GRK6: variants seen among roughly 807,000 people sequenced by gnomAD.
The protein encoded by GRK6 is G protein-coupled receptor kinase 6.
GRK6 carries 37 observed loss-of-function variants against 80.8 expected under a neutral mutation model. That is an observed-to-expected ratio of 0.46 (90% CI 0.35 to 0.60). The LOEUF (loss-of-function observed/expected upper bound fraction) is 0.60, where lower values mean the gene tolerates loss of function less well. Among genes scored for constraint, GRK6 ranks in the 20% least tolerant of loss-of-function variants. GRK6 has a pLI of 0.00. For synonymous variants in GRK6, 295 were observed against 320.9 expected (o/e 0.92, Z 0.86); for missense variants, 560 against 784.6 (o/e 0.71, Z 3.42).
intron 11 of GRK6, 35 bp downstream of exon 11, chr5:177,435,156 G>A: frequency 1.3e-6 from 2 of 1,512,386 alleles, no homozygotes; most frequent in Non-Finnish European, 1.8e-6. Flanking sequence ...TAGCCTCCTG[G>A]GTTCCCTCAC....
At chr5:177,438,143 G>A (rs534616618) in intron 13 of GRK6, among the ~76,000 whole-genome samples, 31 of 152,298 alleles carry the variant, frequency 2.0e-4, no homozygotes, top group African/African-American at 7.2e-4. Flanking sequence ...TGAGGCAGGC[G>A]GATCACCTGA....
chr5:177,431,601 T>C, intron 2 of GRK6: 1 of 256,900 alleles, frequency 3.9e-6, no homozygotes, highest in Non-Finnish European at 7.7e-6. Context: ...AGCCACAGCT[T>C]CCTCTCGCAC....
Position 177,429,611 on chromosome 5 carries a change from T to G in GRK6, c.53-1261T>G, listed in dbSNP as rs1763804312. On this transcript the variant is annotated intron_variant, in intron 1 of 15. Transcript: ENST00000355472. The surrounding 1 kb of genome is among the most constrained non-coding windows in gnomAD (Gnocchi z 4.3). ...GCAGTACTTCCTTCTCCAGGCAGCT[T>G]AGGTCGGGGAGTCATCTAGGGACCT... 6.6e-6 allele frequency among the ~76,000 whole-genome samples: 1 copy of G among 152,156 alleles called. No homozygotes were observed. Among genetic ancestry groups the G allele is most frequent in the Admixed American group, 6.5e-5 (1 of 15,286 alleles).
intron 15 of GRK6, 112 bp from the exon 16 acceptor site, chr5:177,441,625 T>TC: frequency 2.2e-6 from 2 of 909,316 alleles, no homozygotes; most frequent in Non-Finnish European, 3.7e-6. Context: ...AGTGCACCCC[T>TC]CAGGCAGCTC....
At chr5:177,433,724 C>T (rs919980367) in intron 8 of GRK6, 48 bp downstream of exon 8, 3 of 1,602,316 alleles carry the variant, frequency 1.9e-6, no homozygotes, top group African/African-American at 1.3e-5. Flanking sequence ...CACTGGCGCA[C>T]CGACCGTCCC....
chr5:177,432,006 C>T lies in GRK6; in HGVS notation c.160C>T (p.His54Tyr). The T allele has an allele frequency of 6.2e-7, 1 of 1,613,244 alleles. No homozygotes were observed. Among genetic ancestry groups the T allele is most frequent in the Non-Finnish European group, 8.5e-7 (1 of 1,179,846 alleles). The change falls in exon 3 of 16, where the codon CAC becomes TAC. Residue 54 changes from histidine (H) to tyrosine (Y), a missense_variant. Coordinates refer to ENST00000355472, the MANE Select transcript of GRK6 (RefSeq NM_001004106.3). ...ELRLSLERDY[H>Y]SLCERQPIGR... ...ATCACTGCCAACAGAGCGTGACTAT[C>T]ACAGCCTGTGCGAGCGGCAGCCCAT...
rs1419926716 is a variant in GRK6, at chr5:177,426,917, G to A, written c.52+20G>A. 1 of 1,353,038 alleles carries A rather than the reference G, an allele frequency of 7.4e-7. No individual in the cohort carries two copies. The highest frequency in any genetic ancestry group is 9.5e-7 in the Non-Finnish European group (1 of 1,047,406). 83.8% of individuals were successfully genotyped at this position (1,353,038 alleles called of 1,614,324 possible). On this transcript the variant is annotated intron_variant, in intron 1 of 15. Coordinates refer to ENST00000355472, the MANE Select transcript of GRK6 (RefSeq NM_001004106.3). ...GGGAAGGTGAGGCGGCCGGGTGGGC[G>A]GCCGGGCCCGGGTGCGTGGAGCGCG... is the stretch of plus-strand genomic sequence containing the variant.
intron 13 of GRK6, among the ~76,000 whole-genome samples, chr5:177,439,650 A>C (rs533787533): frequency 6.6e-6 from 1 of 151,948 alleles, no homozygotes; most frequent in African/African-American, 2.4e-5. Context: ...AAAAAAAAAA[A>C]AACCCATACC....
chr5:177,426,386 T>C (rs1021554857), upstream of GRK6: 1 of 152,226 alleles, frequency 6.6e-6, no homozygotes, highest in Non-Finnish European at 1.5e-5. Flanking sequence ...ACCTCCATTG[T>C]CCCGGCTGAG....
chr5:177,438,086 C>T (rs890418111), intron 13 of GRK6, among the ~76,000 whole-genome samples: 9 of 152,080 alleles, frequency 5.9e-5, no homozygotes, highest in African/African-American at 9.7e-5. Flanking sequence ...CTAAAGCAAG[C>T]GGCTGGGTGC....
chr5:177,434,330 C>G (rs1483386739), intron 9 of GRK6, among the ~76,000 whole-genome samples: 1 of 152,196 alleles, frequency 6.6e-6, no homozygotes, highest in African/African-American at 2.4e-5. Context: ...TGTCACCCCT[C>G]CACCCCCCAC....
upstream of GRK6, among the ~76,000 whole-genome samples, chr5:177,426,249 C>T (rs1019620992): frequency 6.6e-6 from 1 of 152,256 alleles, no homozygotes; most frequent in African/African-American, 2.4e-5. Flanking sequence ...GAAAAGCCGT[C>T]TGCGAGCCAA....
intron 1 of GRK6, 76 bp from the exon 2 acceptor site, chr5:177,430,796 C>G: frequency 3.1e-6 from 4 of 1,307,874 alleles, no homozygotes; most frequent in Non-Finnish European, 4.4e-6. Flanking sequence ...CCCTAGAGGC[C>G]GTGGACCGCA....
rs1189543973 is a variant in GRK6, at chr5:177,436,889, T to TTCTCC, written c.1404+371_1404+375dup. On this transcript the variant is annotated intron_variant, in intron 13 of 15. Transcript: ENST00000355472. ...CAGAGAGCTTCTCTTCTCTTTTCTC[T>TTCTCC]TCTCCTCTCCTCTCCTTCCTTCCTT... Among the ~76,000 whole-genome samples the TTCTCC allele has an allele frequency of 1.2e-4, 19 of 152,046 alleles. No homozygotes were observed. The East Asian group carries it at 3.5e-3, about 28-fold the overall frequency.
intron 15 of GRK6, chr5:177,441,269 G>T (rs368399943): frequency 6.4e-7 from 1 of 1,563,720 alleles, no homozygotes; most frequent in Non-Finnish European, 8.7e-7. Context: ...GGCTCCCCGT[G>T]GGTTGGCCTT....
Position 177,440,848 on chromosome 5 carries a change from G to T in GRK6, c.1542+11G>T, listed in dbSNP as rs1400338913. On this transcript the variant is annotated intron_variant, in intron 14 of 15. Coordinates refer to ENST00000355472, the MANE Select transcript of GRK6 (RefSeq NM_001004106.3). ...CCCTGGCAGAACGAGGTGGGGGCCT[G>T]CCCTGCTGGTGGGGTGGGCTCCAGG... The T allele has an allele frequency of 9.3e-6, 15 of 1,613,894 alleles. No homozygotes were observed. The highest frequency in any genetic ancestry group is 1.2e-5 in the Non-Finnish European group (14 of 1,179,938).
intron 13 of GRK6, among the ~76,000 whole-genome samples, chr5:177,437,278 T>C (rs1764204748): frequency 6.6e-6 from 1 of 151,980 alleles, no homozygotes; most frequent in South Asian, 2.1e-4. Flanking sequence ...TCAAAAGAAA[T>C]CCTCATGGGG....
chr5:177,426,940 G>C, intron 1 of GRK6, 43 bp downstream of exon 1: 1 of 1,272,810 alleles, frequency 7.9e-7, no homozygotes, highest in Admixed American at 3.4e-5. Flanking sequence ...TGCGTGGAGC[G>C]CGAGTGCGCT....
intron 1 of GRK6, chr5:177,430,538 G>T: frequency 3.0e-6 from 1 of 337,966 alleles, no homozygotes. Flanking sequence ...TCAGCACTGT[G>T]ACGTCCTTCT....
Sources: allele counts gnomAD v4.1 joint callset (sites outside exome capture counted in the v4.1 genomes callset), GRCh38; gene constraint gnomAD v4.1.1; non-coding constraint Gnocchi (gnomAD v3.1); transcripts MANE v1.5; gene names NCBI Gene and HGNC (gene_info 2026-07-23, HGNC 2026-07-21).